NKAIN2: variants seen among roughly 807,000 people sequenced by gnomAD.
NKAIN2 encodes sodium/potassium transporting ATPase interacting 2.
A neutral mutation model predicts 32.6 loss-of-function variants in NKAIN2; 14 were observed. The observed-to-expected ratio is 0.43, with a 90% CI of 0.28 to 0.67. The LOEUF is 0.67. NKAIN2 is among the 30% of genes least tolerant of loss of function. The pLI, the probability that NKAIN2 is intolerant of heterozygous loss-of-function variation, is 0.17. For synonymous variants in NKAIN2, 80 were observed against 87.2 expected (o/e 0.92, Z 0.46); for missense variants, 198 against 258.3 (o/e 0.77, Z 1.60).
At chr6:124,534,865 C>T (rs1230614346) in intron 3 of NKAIN2, among the ~76,000 whole-genome samples, 2 of 152,088 alleles carry the variant, frequency 1.3e-5, no homozygotes, top group Non-Finnish European at 2.9e-5. Flanking sequence ...ACAGTTGTCC[C>T]TTGGCATCTG....
rs73563148 is a variant in NKAIN2, at chr6:124,096,248, T to G, written c.55-186757T>G. 9.4e-3 allele frequency among the ~76,000 whole-genome samples: 1,438 copies of G among 152,304 alleles called. 18 individuals are homozygous for G. Among genetic ancestry groups the G allele is most frequent in the African/African-American group, 0.033 (1,368 of 41,550 alleles). ...ATGATCCAACATTATCAACTCAGTG[T>G]AATTGTTAAAGAATAGCCATTTCAT... is the stretch of plus-strand genomic sequence containing the variant. On this transcript the variant is annotated intron_variant, in intron 1 of 6. Coordinates refer to ENST00000368417, the MANE Select transcript of NKAIN2 (RefSeq NM_001040214.3).
chr6:124,182,837 G>GAT (rs543076121), intron 1 of NKAIN2, among the ~76,000 whole-genome samples: 77 of 152,132 alleles, frequency 5.1e-4, no homozygotes, highest in Middle Eastern at 3.4e-3. Context: ...AGCTCAGACA[G>GAT]ATATATATAT....
chr6:123,938,411 TATATATATATATATATATATATA>T (rs1562267221), intron 1 of NKAIN2, among the ~76,000 whole-genome samples: 5,050 of 70,086 alleles, frequency 0.072, 262 homozygotes, highest in Non-Finnish European at 0.1. Context: ...TATATATATA[TATATATATATATATATATATATA>T]TATATATATA....
intron 3 of NKAIN2, among the ~76,000 whole-genome samples, chr6:124,424,100 TCTC>T (rs770724367): frequency 1.3e-5 from 2 of 152,042 alleles, no homozygotes; most frequent in Non-Finnish European, 2.9e-5. Context: ...TTCACGCCGT[TCTC>T]CTGTCTCAGC....
chr6:123,846,440 A>G (rs1327083836), intron 1 of NKAIN2, among the ~76,000 whole-genome samples: 3 of 152,188 alleles, frequency 2.0e-5, no homozygotes, highest in Non-Finnish European at 4.4e-5. Context: ...GTTTTTATTT[A>G]AAATCTCTAC....
At chr6:123,892,460 TA>T (rs1774065407) in intron 1 of NKAIN2, among the ~76,000 whole-genome samples, 2 of 133,646 alleles carry the variant, frequency 1.5e-5, no homozygotes, top group Admixed American at 1.6e-4. Flanking sequence ...CAGATGCCTA[TA>T]AAAACATCAG....
At chr6:124,796,816 G>A (rs1487096062) in intron 5 of NKAIN2, among the ~76,000 whole-genome samples, 1 of 152,152 alleles carries the variant, frequency 6.6e-6, no homozygotes, top group East Asian at 1.9e-4. Flanking sequence ...CTTTCTCCAG[G>A]AAAGCAGGCA....
At chr6:124,501,188 C>G (rs1486245074) in intron 3 of NKAIN2, among the ~76,000 whole-genome samples, 1 of 152,156 alleles carries the variant, frequency 6.6e-6, no homozygotes, top group Non-Finnish European at 1.5e-5. Context: ...AGAACCACTG[C>G]ACCTCTACAG....
chr6:124,412,060 G>A (rs1270421432), intron 3 of NKAIN2, among the ~76,000 whole-genome samples: 2 of 151,910 alleles, frequency 1.3e-5, no homozygotes, highest in East Asian at 1.9e-4. Flanking sequence ...CTCTGCATTG[G>A]TTATTCTATT....
At chr6:124,383,125 G>A (rs1276917847) in intron 3 of NKAIN2, among the ~76,000 whole-genome samples, 1 of 152,062 alleles carries the variant, frequency 6.6e-6, no homozygotes, top group Non-Finnish European at 1.5e-5. Context: ...CCAGAAACTG[G>A]GGAATCCACT....
At chr6:124,586,918 G>A (rs1301374665) in intron 3 of NKAIN2, among the ~76,000 whole-genome samples, 9 of 152,148 alleles carry the variant, frequency 5.9e-5, no homozygotes, top group Non-Finnish European at 1.3e-4. Flanking sequence ...CTGAGTGAGA[G>A]AAGCCACACT....
chr6:123,876,366 G>A (rs1349650012), intron 1 of NKAIN2, among the ~76,000 whole-genome samples: 6 of 152,032 alleles, frequency 3.9e-5, no homozygotes, highest in Non-Finnish European at 8.8e-5. Flanking sequence ...GCTTTAACCA[G>A]CTTTGCATAT....
chr6:124,741,870 G>C (rs1340132615), intron 4 of NKAIN2, among the ~76,000 whole-genome samples: 3 of 151,824 alleles, frequency 2.0e-5, no homozygotes, highest in South Asian at 2.1e-4. Context: ...TTTATAATAA[G>C]AAAGTTGTGT....
At chr6:123,987,200 G>A (rs1373014976) in intron 1 of NKAIN2, among the ~76,000 whole-genome samples, 2 of 152,106 alleles carry the variant, frequency 1.3e-5, no homozygotes, top group African/African-American at 2.4e-5. Flanking sequence ...TCTAATTTGA[G>A]TATTAGACAT....
chr6:124,181,796 A>G (rs961648253), intron 1 of NKAIN2, among the ~76,000 whole-genome samples: 1 of 152,134 alleles, frequency 6.6e-6, no homozygotes, highest in Non-Finnish European at 1.5e-5. Flanking sequence ...CCATATCACT[A>G]TCAGCATTTT....
intron 4 of NKAIN2, among the ~76,000 whole-genome samples, chr6:124,708,408 A>G (rs1421128899): frequency 6.6e-6 from 1 of 151,756 alleles, no homozygotes; most frequent in Non-Finnish European, 1.5e-5. Flanking sequence ...TGGGGATGGC[A>G]TTGAATCTGT....
At chr6:124,178,691 G>T (rs569877319) in intron 1 of NKAIN2, among the ~76,000 whole-genome samples, 1 of 152,318 alleles carries the variant, frequency 6.6e-6, no homozygotes, top group African/African-American at 2.4e-5. Context: ...ACTAAGGATA[G>T]TGTGGTTTAA....
At chr6:124,725,800 T>A (rs1776260430) in intron 4 of NKAIN2, among the ~76,000 whole-genome samples, 1 of 152,120 alleles carries the variant, frequency 6.6e-6, no homozygotes, top group African/African-American at 2.4e-5. Context: ...AGGTACCAGG[T>A]TCATCTCACT....
intron 3 of NKAIN2, among the ~76,000 whole-genome samples, chr6:124,476,065 A>AGAGTGTGTGTGTGT (rs1487948768): frequency 1.4e-4 from 19 of 132,550 alleles, no homozygotes; most frequent in African/African-American, 5.2e-4. Flanking sequence ...AGAGAGAGAG[A>AGAGTGTGTGTGTGT]GTGTGTGTGT....
Sources: allele counts gnomAD v4.1 joint callset (sites outside exome capture counted in the v4.1 genomes callset), GRCh38; gene constraint gnomAD v4.1.1; transcripts MANE v1.5; gene names NCBI Gene and HGNC (gene_info 2026-07-23, HGNC 2026-07-21).